ATP8A2: variants seen among roughly 807,000 people sequenced by gnomAD.
The protein encoded by ATP8A2 is ATPase phospholipid transporting 8A2, also known as phospholipid-transporting ATPase IB.
Under a neutral mutation model 165.6 loss-of-function variants are expected in ATP8A2, and 100 were observed. The observed-to-expected ratio is 0.60, with a 90% CI of 0.51 to 0.71. The LOEUF is 0.71. ATP8A2 is among the 30% of genes least tolerant of loss of function. The pLI is 0.00. For synonymous variants in ATP8A2, 543 were observed against 548.8 expected (o/e 0.99, Z 0.15); for missense variants, 1,227 against 1,479.5 (o/e 0.83, Z 2.80).
intron 16 of ATP8A2, chr13:25,566,984 T>C: frequency 5.7e-6 from 1 of 174,962 alleles, no homozygotes; most frequent in South Asian, 1.4e-4. Flanking sequence ...CTACCATAAC[T>C]GTTGACATGT....
chr13:25,964,223 G>A (rs1448970675), intron 34 of ATP8A2, among the ~76,000 whole-genome samples: 1 of 152,170 alleles, frequency 6.6e-6, no homozygotes, highest in Admixed American at 6.5e-5. Flanking sequence ...TTTATTTAGG[G>A]GAGCAGGGAA....
At chr13:25,820,700 T>C (rs1951157598) in intron 27 of ATP8A2, among the ~76,000 whole-genome samples, 1 of 152,204 alleles carries the variant, frequency 6.6e-6, no homozygotes, top group Non-Finnish European at 1.5e-5. Context: ...AGTGTGAAAG[T>C]CTGATTTTAT....
At chr13:25,474,305 T>G (rs570927531) in intron 2 of ATP8A2, among the ~76,000 whole-genome samples, 3 of 152,340 alleles carry the variant, frequency 2.0e-5, no homozygotes, top group African/African-American at 7.2e-5. Flanking sequence ...CTCGCGCCTA[T>G]AATCCCAGCA....
chr13:25,469,666 G>C (rs943146940), intron 2 of ATP8A2, among the ~76,000 whole-genome samples: 1 of 152,150 alleles, frequency 6.6e-6, no homozygotes, highest in East Asian at 1.9e-4. Context: ...GTCTACTTTT[G>C]CTGGCCGCTA....
chr13:25,814,927 G>A (rs1329883163), intron 27 of ATP8A2, among the ~76,000 whole-genome samples: 2 of 152,096 alleles, frequency 1.3e-5, no homozygotes, highest in African/African-American at 4.8e-5. Flanking sequence ...GGATGAGGCG[G>A]GTGCTGAGGT....
At chr13:25,838,514 A>C (rs781430924) in intron 29 of ATP8A2, among the ~76,000 whole-genome samples, 9 of 152,156 alleles carry the variant, frequency 5.9e-5, no homozygotes, top group Non-Finnish European at 1.2e-4. Context: ...GGTGGGAAGT[A>C]AGTAAGAGCT....
At chr13:25,711,775 A>G (rs1244921536) in intron 25 of ATP8A2, among the ~76,000 whole-genome samples, 1 of 152,196 alleles carries the variant, frequency 6.6e-6, no homozygotes, top group Non-Finnish European at 1.5e-5. Context: ...CCAGATTTAT[A>G]GTCATTTAAG....
intron 34 of ATP8A2, among the ~76,000 whole-genome samples, chr13:25,962,460 A>C (rs1303457871): frequency 6.6e-6 from 1 of 152,238 alleles, no homozygotes; most frequent in African/African-American, 2.4e-5. Context: ...GTTTTAACAT[A>C]TATTGTTTTC....
intron 1 of ATP8A2, among the ~76,000 whole-genome samples, chr13:25,386,500 T>C (rs555711770): frequency 7.9e-5 from 12 of 152,212 alleles, no homozygotes; most frequent in Non-Finnish European, 1.8e-4. Flanking sequence ...TAGTGATGAA[T>C]GGTTCTTCCC....
At chr13:25,386,980 G>C (rs565030357) in intron 1 of ATP8A2, among the ~76,000 whole-genome samples, 3 of 96,874 alleles carry the variant, frequency 3.1e-5, no homozygotes, top group Non-Finnish European at 8.4e-5. Context: ...CTGGGCGTCA[G>C]AGCGAGACTC....
At chr13:25,810,026 C>G (rs1950826964) in intron 27 of ATP8A2, among the ~76,000 whole-genome samples, 1 of 152,158 alleles carries the variant, frequency 6.6e-6, no homozygotes, top group Non-Finnish European at 1.5e-5. Context: ...TAAATACAGT[C>G]AAGGAGAAAG....
intron 2 of ATP8A2, among the ~76,000 whole-genome samples, chr13:25,495,624 C>CTTTTTT (rs11369713): frequency 2.3e-5 from 2 of 88,244 alleles, no homozygotes; most frequent in South Asian, 5.4e-4. Context: ...GCATGCCTTG[C>CTTTTTT]TTTTTTTTTT....
At chr13:25,832,116 T>A (rs1225021559) in intron 28 of ATP8A2, among the ~76,000 whole-genome samples, 1 of 151,902 alleles carries the variant, frequency 6.6e-6, no homozygotes, top group Non-Finnish European at 1.5e-5. Context: ...ATTTTCTGTA[T>A]TTTTAATAGA....
chr13:25,998,428 GT>G (rs1176407160), intron 35 of ATP8A2, among the ~76,000 whole-genome samples: 1 of 152,206 alleles, frequency 6.6e-6, no homozygotes, highest in Non-Finnish European at 1.5e-5. Flanking sequence ...TGGGTTGGGG[GT>G]GAGGGGGCCA....
intron 1 of ATP8A2, among the ~76,000 whole-genome samples, chr13:25,446,839 A>C (rs2035081962): frequency 7.3e-6 from 1 of 137,346 alleles, no homozygotes; most frequent in African/African-American, 2.7e-5. Context: ...ATTTTTATAA[A>C]CCTAGGATTT....
At chr13:25,970,497 A>G (rs1404368740) in intron 35 of ATP8A2, among the ~76,000 whole-genome samples, 1 of 152,250 alleles carries the variant, frequency 6.6e-6, no homozygotes, top group Non-Finnish European at 1.5e-5. Context: ...CCAACCACCC[A>G]GTTTGGAGGG....
intron 24 of ATP8A2, among the ~76,000 whole-genome samples, chr13:25,632,784 G>T (rs1423881182): frequency 6.6e-6 from 1 of 152,106 alleles, no homozygotes; most frequent in African/African-American, 2.4e-5. Context: ...GACAGTCTGC[G>T]TCTTCTGTGA....
intron 33 of ATP8A2, among the ~76,000 whole-genome samples, chr13:25,920,352 G>A (rs1954411635): frequency 6.6e-6 from 1 of 152,068 alleles, no homozygotes; most frequent in African/African-American, 2.4e-5. Context: ...TCCTGGTGCT[G>A]GACTCAGTGA....
At chr13:25,589,198 T>G (rs1352769135) in intron 23 of ATP8A2, among the ~76,000 whole-genome samples, 4 of 152,158 alleles carry the variant, frequency 2.6e-5, no homozygotes. Context: ...AGTGACTCCC[T>G]CAGTGTATTC....
Sources: allele counts gnomAD v4.1 joint callset (sites outside exome capture counted in the v4.1 genomes callset), GRCh38; gene constraint gnomAD v4.1.1; transcripts MANE v1.5; gene names NCBI Gene and HGNC (gene_info 2026-07-23, HGNC 2026-07-21).